BCL6: variants seen among roughly 807,000 people sequenced by gnomAD.
The protein encoded by BCL6 is BCL6 transcription repressor.
In BCL6, 7 loss-of-function variants were observed where a neutral mutation model predicts 59.5. That is an observed-to-expected ratio of 0.12 (90% CI 0.07 to 0.22). The LOEUF (loss-of-function observed/expected upper bound fraction) is 0.22, where lower values mean the gene tolerates loss of function less well. Among genes scored for constraint, BCL6 ranks in the 10% least tolerant of loss-of-function variants. The pLI, the probability that BCL6 is intolerant of heterozygous loss-of-function variation, is 1.00. For missense variants in BCL6, 685 were observed against 939.4 expected (o/e 0.73, Z 3.54); for synonymous variants, 339 against 349.7 (o/e 0.97, Z 0.34).
At chr3:187,745,152 T>G (rs542314950) in intron 1 of BCL6, among the ~76,000 whole-genome samples, 3 of 152,126 alleles carry the variant, frequency 2.0e-5, no homozygotes, top group South Asian at 2.1e-4. Context: ...ACAATCTATA[T>G]CCTATGGTGG....
intron 1 of BCL6, among the ~76,000 whole-genome samples, chr3:187,741,732 C>T (rs1711599878): frequency 6.6e-6 from 1 of 152,226 alleles, no homozygotes; most frequent in African/African-American, 2.4e-5. Flanking sequence ...ACAGACCAGC[C>T]TACCATTGCT....
In BCL6 at chr3:187,730,021, A is replaced by G; in HGVS notation, c.384T>C (p.Ser128=). 1 of 1,539,560 alleles carries G rather than the reference A, an allele frequency of 6.5e-7. No individual in the cohort carries two copies. Among genetic ancestry groups the G allele is most frequent in the South Asian group, 1.3e-5 (1 of 79,422 alleles). Reference sequence around the variant, plus strand: ...TGATGGCAGAAACCATCTCTGCTTCACTGTGAAAGAAAAAAAGAGGAAAGA... The same window carrying G: ...TGATGGCAGAAACCATCTCTGCTTCGCTGTGAAAGAAAAAAAGAGGAAAGA... The part of the protein sequence containing the change: ...VDTCRKFIKA[S]EAEMVSAIKP... Residue 128 remains serine (S), a splice_region_variant and synonymous_variant, in exon 5 of 10, where the codon AGT becomes AGC. Coordinates refer to ENST00000406870, the MANE Select transcript of BCL6 (RefSeq NM_001706.5).
At chr3:187,731,611 A>G (rs1719045911) in intron 4 of BCL6, 98 bp downstream of exon 4, 1 of 1,172,538 alleles carries the variant, frequency 8.5e-7, no homozygotes, top group Non-Finnish European at 1.2e-6. Context: ...GCAGCATATC[A>G]TAGAGGAGTA....
intron 1 of BCL6, among the ~76,000 whole-genome samples, chr3:187,739,088 A>G (rs1469735311): frequency 6.6e-6 from 1 of 151,908 alleles, no homozygotes; most frequent in Non-Finnish European, 1.5e-5. Context: ...GAGCCTCCCG[A>G]TTTGGAGAAT....
chr3:187,745,240 AT>A, intron 1 of BCL6, among the ~76,000 whole-genome samples, 169 bp downstream of exon 1: 1 of 152,272 alleles, frequency 6.6e-6, no homozygotes, highest in Admixed American at 6.5e-5. Context: ...ATTTATATCA[AT>A]AGATACACAT....
At chr3:187,736,421 T>C (rs1719283917) in intron 1 of BCL6, 1 of 152,210 alleles carries the variant, frequency 6.6e-6, no homozygotes, top group South Asian at 2.1e-4. Context: ...CTTTCCTCTC[T>C]TCCTTCATGG....
intron 1 of BCL6, among the ~76,000 whole-genome samples, chr3:187,744,411 C>G (rs1711776445): frequency 1.3e-5 from 2 of 152,052 alleles, no homozygotes; most frequent in East Asian, 1.9e-4. Context: ...ACTCCCTCGA[C>G]TACAACCAAG....
At chr3:187,739,709 G>C (rs1401589648) in intron 1 of BCL6, among the ~76,000 whole-genome samples, 1 of 152,140 alleles carries the variant, frequency 6.6e-6, no homozygotes, top group South Asian at 2.1e-4. Flanking sequence ...TTCCAGAAGG[G>C]CCCGAAGACA....
At chr3:187,745,217 A>G (rs568712481) in intron 1 of BCL6, among the ~76,000 whole-genome samples, 193 bp downstream of exon 1, 3 of 152,296 alleles carry the variant, frequency 2.0e-5, no homozygotes, top group South Asian at 2.1e-4. Context: ...AGCTAGAATA[A>G]ATAAATATAT....
chr3:187,722,308 C>CGG lies in BCL6; in HGVS notation c.*149_*150insCC. The CGG allele has an allele frequency of 3.2e-6, 1 of 313,144 alleles. No individual in the cohort carries two copies. Among genetic ancestry groups the CGG allele is most frequent in the Non-Finnish European group, 5.6e-6 (1 of 177,022 alleles). 19.4% of individuals were successfully genotyped at this position (313,144 alleles called of 1,614,324 possible). ...CTGCGGCTCCCAGTCCCCCAGGCCC[C>CGG]GACCCCCACCACCCCCAACCCCCAG... On this transcript the variant is annotated 3_prime_UTR_variant, in exon 10 of 10. Coordinates refer to ENST00000406870, the MANE Select transcript of BCL6 (RefSeq NM_001706.5).
At chr3:187,736,933 A>G (rs1356868291) in intron 1 of BCL6, 1 of 152,202 alleles carries the variant, frequency 6.6e-6, no homozygotes, top group Non-Finnish European at 1.5e-5. Flanking sequence ...TAGGGAGGGA[A>G]CTGAGGCTCC....
At chr3:187,745,304 A>C (rs539758108) in intron 1 of BCL6, 106 bp downstream of exon 1, 2 of 399,386 alleles carry the variant, frequency 5.0e-6, no homozygotes, top group African/African-American at 2.1e-5. Flanking sequence ...AAGAATTAAA[A>C]GGTAAAATAA....
intron 9 of BCL6, 122 bp downstream of exon 9, chr3:187,724,819 G>T: frequency 7.1e-7 from 1 of 1,402,614 alleles, no homozygotes. Context: ...CCCACTGTGT[G>T]CTTGAGATGG....
intron 1 of BCL6, among the ~76,000 whole-genome samples, chr3:187,744,124 G>A (rs903402939): frequency 1.3e-5 from 2 of 152,118 alleles, no homozygotes; most frequent in African/African-American, 2.4e-5. Context: ...TTGCACCATG[G>A]GAAAAAATAA....
Position 187,729,683 on chromosome 3 carries a change from T to G in BCL6, c.722A>C (p.Glu241Ala), listed in dbSNP as rs1560150982. Residue 241 changes from glutamate (E) to alanine (A), a missense_variant, in exon 5 of 10, where the codon GAG becomes GCG. By Grantham distance (107) the Glu-to-Ala change is moderately radical. Transcript: ENST00000406870. The surrounding 1 kb of genome is among the most constrained non-coding windows in gnomAD (Gnocchi z 5.6). ...PCDSARPVPG[E>A]YSRPTLEVSP... ...CACCTCCAAAGTCGGCCGGCTGTAC[T>G]CACCAGGGACTGGCCTGGCACTATC... 6.2e-7 allele frequency: 1 copy of G among 1,614,142 alleles called. No homozygotes were observed. The highest frequency in any genetic ancestry group is 1.7e-5 in the Admixed American group (1 of 60,014).
intron 1 of BCL6, among the ~76,000 whole-genome samples, chr3:187,742,064 T>C: frequency 6.6e-6 from 1 of 152,170 alleles, no homozygotes; most frequent in East Asian, 1.9e-4. Flanking sequence ...CTTGATAAAC[T>C]TCAAAGTCCT....
rs760539091 is a variant in BCL6 at position 187,728,472 on chromosome 3, C to T, written c.1428G>A (p.Thr476=). ...GCTGTGGGGACTGAGAGCCGCAGGA[C>T]GTGCACTTCGGGGGGTGCATGTAGA... is the stretch of plus-strand genomic sequence containing the variant. The part of the protein sequence containing the change: ...SPLYMHPPKC[T]SCGSQSPQHA... Residue 476 remains threonine (T), a synonymous_variant, in exon 6 of 10, where the codon ACG becomes ACA. Transcript: ENST00000406870. 7.0e-5 allele frequency: 113 copies of T among 1,611,878 alleles called. No individual in the cohort carries two copies. Among genetic ancestry groups the T allele is most frequent in the Admixed American group, 2.2e-4 (13 of 59,816 alleles).
At chr3:187,743,991 C>T (rs1182766438) in intron 1 of BCL6, among the ~76,000 whole-genome samples, 1 of 152,192 alleles carries the variant, frequency 6.6e-6, no homozygotes, top group Non-Finnish European at 1.5e-5. Flanking sequence ...CCTCCTGAGT[C>T]TTGCACATAA....
At position 187,725,763 on chromosome 3, in the gene BCL6, G is replaced by A. The variant is rs1718659228; in HGVS notation, c.1709-134C>T. On this transcript the variant is annotated intron_variant, in intron 7 of 9. Coordinates refer to ENST00000406870, the MANE Select transcript of BCL6 (RefSeq NM_001706.5). The surrounding 1 kb of genome is among the most constrained non-coding windows in gnomAD (Gnocchi z 4.7). ...TGTTTTCCTTTCCCTTAGGGAATGT[G>A]AGAGAGAGAATCCAGGGGCCTGCCC... The A allele has an allele frequency of 8.8e-7, 1 of 1,142,064 alleles. No individual in the cohort carries two copies. The highest frequency in any genetic ancestry group is 1.2e-6 in the Non-Finnish European group (1 of 819,124). 70.7% of individuals were successfully genotyped at this position (1,142,064 alleles called of 1,614,324 possible). A position where few individuals can be genotyped will look rare whatever the true frequency, so the allele number is the denominator to read the frequency against.
Sources: allele counts gnomAD v4.1 joint callset (sites outside exome capture counted in the v4.1 genomes callset), GRCh38; gene constraint gnomAD v4.1.1; non-coding constraint Gnocchi (gnomAD v3.1); transcripts MANE v1.5; gene names NCBI Gene and HGNC (gene_info 2026-07-23, HGNC 2026-07-21).